The following OXNAD1 variants were observed in gnomAD, a reference collection of about 807,000 sequenced individuals.
OXNAD1 encodes oxidoreductase NAD-binding domain-containing protein 1.
OXNAD1 carries 34 observed loss-of-function variants against 32.9 expected under a neutral mutation model. The observed-to-expected ratio is 1.03, with a 90% CI of 0.79 to 1.38. The LOEUF is 1.38. OXNAD1 is among the 40% of genes most tolerant of loss of function. OXNAD1 has a pLI of 0.00. For synonymous variants in OXNAD1, 134 were observed against 135.2 expected, an observed-to-expected ratio of 0.99 and a Z score of 0.06; for missense variants, 407 against 379.4, an observed-to-expected ratio of 1.07 and a Z score of -0.60.
chr3:16,308,867 A>G (rs2067756601), downstream of OXNAD1, among the ~76,000 whole-genome samples: 1 of 152,216 alleles, frequency 6.6e-6, no homozygotes, highest in Admixed American at 6.5e-5. This position sits in a 1 kb window ranked among gnomAD's most constrained non-coding sequence, Gnocchi z 4.4. Flanking sequence ...TGAGCATAAC[A>G]AGATTTTATC....
Position 16,312,435 on chromosome 3 carries a change from A to T in OXNAD1, c.*30+8843A>T, listed in dbSNP as rs1022966550. On this transcript the variant is annotated intron_variant, in intron 9 of 9. Coordinates refer to the OXNAD1 transcript ENST00000435829. The surrounding 1 kb of genome is among the most constrained non-coding windows in gnomAD (Gnocchi z 4.7). ...AACAAGATCTGTGGCAACAACTGGG[A>T]GTCAGTGCCGAGCTTCTCCTGGCCA... 1.3e-5 allele frequency among the ~76,000 whole-genome samples: 2 copies of T among 152,024 alleles called. No individual in the cohort carries two copies. Among genetic ancestry groups the T allele is most frequent in the Non-Finnish European group, 2.9e-5 (2 of 67,932 alleles).
At chr3:16,323,665 G>A (rs1161365974) in intron 9 of OXNAD1, among the ~76,000 whole-genome samples, 1 of 152,158 alleles carries the variant, frequency 6.6e-6, no homozygotes, top group East Asian at 1.9e-4. Context: ...AAAGCTTTTT[G>A]GGTATCCCTA....
chr3:16,270,710 T>C (rs1216424500), intron 2 of OXNAD1, among the ~76,000 whole-genome samples: 1 of 152,178 alleles, frequency 6.6e-6, no homozygotes, highest in Non-Finnish European at 1.5e-5. Flanking sequence ...GAATATTTGA[T>C]AATACCAAAA....
rs2070837386 is a variant in OXNAD1 at position 16,336,255 on chromosome 3, C to T, written c.*31-857C>T. Among the ~76,000 whole-genome samples the T allele has an allele frequency of 6.6e-6, 1 of 152,234 alleles. No homozygotes were observed. The highest frequency in any genetic ancestry group is 6.5e-5 in the Admixed American group (1 of 15,288). On this transcript the variant is annotated intron_variant, in intron 9 of 9. Coordinates refer to the OXNAD1 transcript ENST00000435829. This position sits in a 1 kb window ranked among gnomAD's most constrained non-coding sequence, Gnocchi z 6.0. ...TATCACTGTTCATTCATGAATCTCA[C>T]ATTCAGTCAGCCTGGCTCTGTCTGT...
chr3:16,314,879 A>G lies in OXNAD1; in HGVS notation c.*30+11287A>G, dbSNP rs190768089. 2 of 152,194 alleles carry G rather than the reference A, an allele frequency of 1.3e-5. No homozygotes were observed. Among genetic ancestry groups the G allele is most frequent in the Admixed American group, 6.5e-5 (1 of 15,306 alleles). 9.4% of individuals were successfully genotyped at this position (152,194 alleles called of 1,614,324 possible). A position where few individuals can be genotyped will look rare whatever the true frequency, so the allele number is the denominator to read the frequency against. ...ACTAGCATATATTTTTAAAATCATGATCCTTTAAGATATGTGCCAAGAGAT... is the reference window on the plus strand; with the variant it reads ...ACTAGCATATATTTTTAAAATCATGGTCCTTTAAGATATGTGCCAAGAGAT... On this transcript the variant is annotated intron_variant, in intron 9 of 9. Coordinates refer to the OXNAD1 transcript ENST00000435829. The surrounding 1 kb of genome is among the most constrained non-coding windows in gnomAD (Gnocchi z 4.4).
downstream of OXNAD1, among the ~76,000 whole-genome samples, chr3:16,350,486 G>T (rs1248253001): frequency 2.2e-5 from 3 of 138,900 alleles, no homozygotes; most frequent in South Asian, 2.3e-4. Flanking sequence ...AAGCTGAGAT[G>T]AATCACTTTT....
chr3:16,320,372 C>G lies in OXNAD1; in HGVS notation c.*31-16740C>G, dbSNP rs1016503096. Among the ~76,000 whole-genome samples the G allele has an allele frequency of 2.0e-5, 3 of 152,158 alleles. No homozygotes were observed. Among genetic ancestry groups the G allele is most frequent in the African/African-American group, 7.2e-5 (3 of 41,426 alleles). On this transcript the variant is annotated intron_variant, in intron 9 of 9. Transcript: ENST00000435829. The surrounding 1 kb of genome is among the most constrained non-coding windows in gnomAD (Gnocchi z 4.5). The stretch of plus-strand genomic sequence containing the variant: ...CCACATCCTCGGTGTGCCAATCTTG[C>G]AGTTTCTTTTCTTAAGTTTTAATGC...
chr3:16,321,539 G>A lies in OXNAD1; in HGVS notation c.*31-15573G>A, dbSNP rs1468481552. 2.0e-5 allele frequency among the ~76,000 whole-genome samples: 3 copies of A among 152,152 alleles called. No homozygotes were observed. Among genetic ancestry groups the A allele is most frequent in the Non-Finnish European group, 2.9e-5 (2 of 68,016 alleles). ...TGACCCTTGTCAGCTGAGGAGTGAG[G>A]AGGGGACACCCAGTGCAGAAGATTC... is the stretch of plus-strand genomic sequence containing the variant. On this transcript the variant is annotated intron_variant, in intron 9 of 9. Transcript: ENST00000435829. This position sits in a 1 kb window ranked among gnomAD's most constrained non-coding sequence, Gnocchi z 4.8.
rs1395489858 is a variant in OXNAD1, at chr3:16,287,020, C to T, written c.290+572C>T. 6.6e-6 allele frequency among the ~76,000 whole-genome samples: 1 copy of T among 152,124 alleles called. No homozygotes were observed. The highest frequency in any genetic ancestry group is 1.5e-5 in the Non-Finnish European group (1 of 68,018). ...AGGATTCCCCAGTCAGGCCCAGCTC[C>T]CCAGAACCCCCACACAAATCATAAG... On this transcript the variant is annotated intron_variant, in intron 5 of 8. Transcript: ENST00000285083. This position sits in a 1 kb window ranked among gnomAD's most constrained non-coding sequence, Gnocchi z 4.8.
chr3:16,315,198 C>T (rs1239984801), intron 9 of OXNAD1, among the ~76,000 whole-genome samples: 1 of 152,184 alleles, frequency 6.6e-6, no homozygotes, highest in Admixed American at 6.5e-5. Context: ...TCACTGCAAT[C>T]TCTGCCTCCC....
rs529518078 is a variant in OXNAD1, at chr3:16,280,523, T to C, written c.184-5819T>C. 6.6e-6 allele frequency among the ~76,000 whole-genome samples: 1 copy of C among 152,252 alleles called. No individual in the cohort carries two copies. The highest frequency in any genetic ancestry group is 2.1e-4 in the South Asian group (1 of 4,814). ...TTTAAATAATGTCTCTGGGTCTCGG[T>C]GTCTTTGTGTGTAAAATGGCATATG... On this transcript the variant is annotated intron_variant, in intron 4 of 8. Transcript: ENST00000285083. The surrounding 1 kb of genome is among the most constrained non-coding windows in gnomAD (Gnocchi z 4.5).
downstream of OXNAD1, among the ~76,000 whole-genome samples, chr3:16,309,157 C>T (rs1014102944): frequency 2.0e-5 from 3 of 152,122 alleles, no homozygotes; most frequent in Non-Finnish European, 4.4e-5. Context: ...TAATACACTT[C>T]AAATTCTTGC....
chr3:16,307,915 G>GT (rs926961436), downstream of OXNAD1, among the ~76,000 whole-genome samples: 4 of 152,140 alleles, frequency 2.6e-5, no homozygotes, highest in South Asian at 2.1e-4. Context: ...AGTTTGTTCT[G>GT]TTTTTTTAAG....
chr3:16,313,549 T>C lies in OXNAD1; in HGVS notation c.*30+9957T>C, dbSNP rs961131429. On this transcript the variant is annotated intron_variant, in intron 9 of 9. Coordinates refer to the OXNAD1 transcript ENST00000435829. ...GCCACATTGATTACCTATCAGCATGTGATTAACTGCTACCCACAGAGTACT... is the reference window on the plus strand; with the variant it reads ...GCCACATTGATTACCTATCAGCATGCGATTAACTGCTACCCACAGAGTACT... The C allele has an allele frequency of 2.6e-5, 4 of 152,240 alleles. 1 individual carries two copies. Among genetic ancestry groups the C allele is most frequent in the Admixed American group, 2.0e-4 (3 of 15,284 alleles). 9.4% of individuals were successfully genotyped at this position (152,240 alleles called of 1,614,324 possible).
chr3:16,312,461 C>T lies in OXNAD1; in HGVS notation c.*30+8869C>T, dbSNP rs1371560187. Among the ~76,000 whole-genome samples the T allele has an allele frequency of 6.6e-6, 1 of 152,198 alleles. No homozygotes were observed. The stretch of plus-strand genomic sequence containing the variant: ...GTCAGTGCCGAGCTTCTCCTGGCCA[C>T]ACACACCAGTCATCCTCACCCTTCC... On this transcript the variant is annotated intron_variant, in intron 9 of 9. Coordinates refer to the OXNAD1 transcript ENST00000435829. The surrounding 1 kb of genome is among the most constrained non-coding windows in gnomAD (Gnocchi z 4.7).
chr3:16,348,476 A>C lies in OXNAD1; in HGVS notation c.*31-700A>C, dbSNP rs931516700. Among the ~76,000 whole-genome samples, 2 of 152,126 alleles carry C rather than the reference A, an allele frequency of 1.3e-5. No homozygotes were observed. Among genetic ancestry groups the C allele is most frequent in the Non-Finnish European group, 2.9e-5 (2 of 68,002 alleles). The stretch of plus-strand genomic sequence containing the variant: ...CTTAGCCCATCCAAGTCCTGGCTTG[A>C]CTTGCCAATACCCAGCTGGAGCCCA... On this transcript the variant is annotated intron_variant, in intron 9 of 9. Coordinates refer to the OXNAD1 transcript ENST00000606098. This position sits in a 1 kb window ranked among gnomAD's most constrained non-coding sequence, Gnocchi z 6.3.
rs2066948033 is a variant in OXNAD1, at chr3:16,298,382, TC to T, written c.433-3242del. ...CTCACGCGACCTGGCCTGGTCCTGG[TC>T]CACAGCTTCCTGCTTGGTTTCATGC... On this transcript the variant is annotated intron_variant, in intron 6 of 8. Coordinates refer to ENST00000285083, the MANE Select transcript of OXNAD1 (RefSeq NM_138381.5). This position sits in a 1 kb window ranked among gnomAD's most constrained non-coding sequence, Gnocchi z 5.1. Among the ~76,000 whole-genome samples, 2 of 152,142 alleles carry T rather than the reference TC, an allele frequency of 1.3e-5. No homozygotes were observed. Among genetic ancestry groups the T allele is most frequent in the Non-Finnish European group, 2.9e-5 (2 of 68,022 alleles).
chr3:16,292,459 C>T (rs1643612760), intron 5 of OXNAD1, among the ~76,000 whole-genome samples: 1 of 152,144 alleles, frequency 6.6e-6, no homozygotes, highest in African/African-American at 2.4e-5. Context: ...TCCCAAAGTG[C>T]TGGGATTTGT....
At position 16,303,488 on chromosome 3, in the gene OXNAD1, A is replaced by G; in HGVS notation, c.865A>G (p.Thr289Ala). ...LFYICGPPPM[T>A]DFFSKQLENN... ...CTATATTTGTGGCCCACCTCCAATGACAGACTTTTTCTCCAAGCAACTGGA... is the reference window on the plus strand; with the variant it reads ...CTATATTTGTGGCCCACCTCCAATGGCAGACTTTTTCTCCAAGCAACTGGA... Residue 289 changes from threonine to alanine, a missense_variant, in exon 9 of 9, where the codon ACA becomes GCA. By Grantham distance (58) the Thr-to-Ala change is moderately conservative. Transcript: ENST00000285083. The surrounding 1 kb of genome is among the most constrained non-coding windows in gnomAD (Gnocchi z 4.8). The G allele has an allele frequency of 2.5e-6, 4 of 1,614,096 alleles. No homozygotes were observed. The highest frequency in any genetic ancestry group is 3.4e-6 in the Non-Finnish European group (4 of 1,179,954).
Sources: gnomAD v4.1 joint callset for allele counts (sites outside exome capture counted in the v4.1 genomes callset) on GRCh38, gnomAD v4.1.1 for gene constraint, Gnocchi (gnomAD v3.1) non-coding constraint, MANE v1.5 for transcripts, NCBI Gene and HGNC (gene_info 2026-07-23, HGNC 2026-07-21) for gene names.